GPHN: variants seen among roughly 807,000 people sequenced by gnomAD.
GPHN encodes gephyrin.
GPHN carries 17 observed loss-of-function variants against 95.5 expected under a neutral mutation model. The observed-to-expected ratio is 0.18, with a 90% CI of 0.12 to 0.27. GPHN has a LOEUF of 0.27. GPHN is among the 10% of genes least tolerant of loss of function. The probability of loss-of-function intolerance (pLI) is 1.00; values close to 1 mark genes in which losing one functional copy is unlikely to be tolerated. For synonymous variants in GPHN, 320 were observed against 322.5 expected (o/e 0.99, Z 0.08); for missense variants, 660 against 978.1 (o/e 0.67, Z 4.34).
chr14:67,045,653 GTCTC>G (rs199602753), intron 10 of GPHN, among the ~76,000 whole-genome samples: 2 of 142,478 alleles, frequency 1.4e-5, no homozygotes, highest in Non-Finnish European at 3.1e-5. Context: ...CTCTGCCTCT[GTCTC>G]TCTCTCTCTG....
At chr14:67,088,631 A>G (rs987442442) in intron 11 of GPHN, among the ~76,000 whole-genome samples, 1 of 152,226 alleles carries the variant, frequency 6.6e-6, no homozygotes, top group Admixed American at 6.5e-5. Flanking sequence ...TGAAACTACT[A>G]GGTCAATGGG....
At chr14:66,946,240 C>T (rs2067741820) in intron 8 of GPHN, among the ~76,000 whole-genome samples, 1 of 151,834 alleles carries the variant, frequency 6.6e-6, no homozygotes, top group Non-Finnish European at 1.5e-5. Context: ...TCCTTAAATA[C>T]CCAAATACGT....
chr14:67,055,321 A>G (rs1175873976), intron 10 of GPHN, among the ~76,000 whole-genome samples: 1 of 152,214 alleles, frequency 6.6e-6, no homozygotes, highest in Non-Finnish European at 1.5e-5. Flanking sequence ...AAAAAGCTCA[A>G]CATCACTGAT....
chr14:67,615,653 A>G, the GPHN span: 3 of 533,022 alleles, frequency 5.6e-6, no homozygotes, highest in Non-Finnish European at 1.1e-5. Flanking sequence ...GCTAAAGAGA[A>G]AGGACAATTT....
the GPHN span, chr14:67,301,334 T>TG: frequency 8.8e-7 from 1 of 1,131,258 alleles, no homozygotes; most frequent in Non-Finnish European, 1.3e-6. Flanking sequence ...TGCATACAGG[T>TG]GCTACTGATA....
chr14:67,245,307 C>T, the GPHN span, among the ~76,000 whole-genome samples: 1 of 152,132 alleles, frequency 6.6e-6, no homozygotes, highest in African/African-American at 2.4e-5. Flanking sequence ...ACATTCCTGT[C>T]AGCACTTGGT....
intron 8 of GPHN, among the ~76,000 whole-genome samples, chr14:66,950,260 C>T (rs10135701): frequency 0.16 from 24,358 of 151,934 alleles, 3,796 homozygotes; most frequent in East Asian, 0.45. Context: ...GGCATTTTTC[C>T]TTCTCATTTG....
intron 2 of GPHN, among the ~76,000 whole-genome samples, chr14:66,772,840 T>G (rs2059230853): frequency 6.6e-6 from 1 of 152,168 alleles, no homozygotes; most frequent in African/African-American, 2.4e-5. Flanking sequence ...TTCAAATAAA[T>G]TTGGTCTTTA....
chr14:67,578,117 A>G, the GPHN span: 1 of 1,613,756 alleles, frequency 6.2e-7, no homozygotes, highest in Non-Finnish European at 8.5e-7. The surrounding 1 kb of genome is among the most constrained non-coding windows in gnomAD (Gnocchi z 5.0). Flanking sequence ...TGCCTGGTTC[A>G]CCCCGAGCTG....
chr14:67,031,206 T>A (rs531409013), intron 10 of GPHN, among the ~76,000 whole-genome samples: 7 of 152,264 alleles, frequency 4.6e-5, no homozygotes, highest in African/African-American at 1.7e-4. Context: ...GATGGATAGG[T>A]CTTCTGGTTA....
chr14:66,901,562 A>G (rs1033531932), intron 5 of GPHN, among the ~76,000 whole-genome samples: 5 of 152,158 alleles, frequency 3.3e-5, no homozygotes, highest in Admixed American at 1.3e-4. Flanking sequence ...ATGGTAAAAT[A>G]TAGGGGTCTA....
chr14:66,715,022 C>T (rs2070031931), intron 2 of GPHN, among the ~76,000 whole-genome samples: 1 of 152,124 alleles, frequency 6.6e-6, no homozygotes, highest in Non-Finnish European at 1.5e-5. Context: ...CCCGGTTTCT[C>T]TATCTTGTGG....
At chr14:66,834,708 A>T (rs904285730) in intron 4 of GPHN, among the ~76,000 whole-genome samples, 1 of 151,928 alleles carries the variant, frequency 6.6e-6, no homozygotes, top group African/African-American at 2.4e-5. Context: ...GTATTGGTCT[A>T]AAATTCTCTT....
chr14:67,246,738 G>A, the GPHN span, among the ~76,000 whole-genome samples: 3 of 132,606 alleles, frequency 2.3e-5, no homozygotes, highest in East Asian at 2.6e-4. Context: ...GCAACTTCCC[G>A]CCTCCTGGGT....
chr14:67,557,332 C>A, the GPHN span: 1 of 1,613,724 alleles, frequency 6.2e-7, no homozygotes, highest in Non-Finnish European at 8.5e-7. Context: ...TGAGGGGAGC[C>A]TGCACCGGAA....
intron 21 of GPHN, among the ~76,000 whole-genome samples, chr14:67,173,684 A>G (rs1212666311): frequency 6.6e-6 from 1 of 152,202 alleles, no homozygotes; most frequent in Non-Finnish European, 1.5e-5. Context: ...AAGGAACATA[A>G]TGGGTCTCTA....
the GPHN span, chr14:67,692,689 C>CA: frequency 5.0e-4 from 696 of 1,401,398 alleles, no homozygotes; most frequent in Non-Finnish European, 6.3e-4. Flanking sequence ...AAAAAACACA[C>CA]ATTTTTACCC....
chr14:67,277,632 G>A, the GPHN span, among the ~76,000 whole-genome samples: 1 of 151,814 alleles, frequency 6.6e-6, no homozygotes, highest in Non-Finnish European at 1.5e-5. Context: ...TTTAATGTGT[G>A]GGTTTACACA....
intron 4 of GPHN, among the ~76,000 whole-genome samples, chr14:66,850,796 G>A (rs929365244): frequency 5.9e-5 from 9 of 152,034 alleles, no homozygotes; most frequent in Admixed American, 1.3e-4. Context: ...TGGAGGCTGC[G>A]GGTACATGGG....
Sources: allele counts gnomAD v4.1 joint callset (sites outside exome capture counted in the v4.1 genomes callset), GRCh38; gene constraint gnomAD v4.1.1; non-coding constraint Gnocchi (gnomAD v3.1); transcripts MANE v1.5; gene names NCBI Gene and HGNC (gene_info 2026-07-23, HGNC 2026-07-21).